Variants in MAP3K1 observed in about 807,000 individuals in gnomAD.
MAP3K1 encodes MAP/ERK kinase kinase 1.
Under a neutral mutation model 144.2 loss-of-function variants are expected in MAP3K1, and 36 were observed. The observed-to-expected ratio is 0.25, with a 90% CI of 0.19 to 0.33. The LOEUF is 0.33. Ranked by LOEUF, MAP3K1 falls within the 10% of genes least tolerant of loss-of-function variation. MAP3K1 has a pLI of 1.00. For synonymous variants in MAP3K1, 718 were observed against 688.7 expected, an observed-to-expected ratio of 1.04 and a Z score of -0.67; for missense variants, 1,650 against 1,881.9, an observed-to-expected ratio of 0.88 and a Z score of 2.28.
At chr5:56,889,733 A>T (rs1748489878) in intron 19 of MAP3K1, among the ~76,000 whole-genome samples, 1 of 152,146 alleles carries the variant, frequency 6.6e-6, no homozygotes, top group African/African-American at 2.4e-5. Flanking sequence ...ATTTTCTCAC[A>T]TGTAAAATTG....
At chr5:56,816,850 C>T (rs1189039440) in intron 1 of MAP3K1, among the ~76,000 whole-genome samples, 6 of 152,258 alleles carry the variant, frequency 3.9e-5, no homozygotes, top group Non-Finnish European at 7.3e-5. Flanking sequence ...TGAGTGACTT[C>T]TGTTTGGAGT....
chr5:56,842,278 A>T (rs1198747705), intron 1 of MAP3K1: 1 of 152,272 alleles, frequency 6.6e-6, no homozygotes, highest in East Asian at 1.9e-4. Flanking sequence ...TTGTTAAAAG[A>T]AGTTATAATA....
intron 19 of MAP3K1, among the ~76,000 whole-genome samples, chr5:56,892,095 C>T (rs769580771): frequency 9.9e-5 from 15 of 152,120 alleles, no homozygotes; most frequent in Admixed American, 3.9e-4. Flanking sequence ...TTGATGGGGA[C>T]GGCATTGAAT....
Position 56,882,383 on chromosome 5 carries a change from G to C in MAP3K1, c.3183G>C (p.Lys1061Asn), listed in dbSNP as rs756800659. 3.0e-5 allele frequency: 49 copies of C among 1,614,124 alleles called. No individual in the cohort carries two copies. Among genetic ancestry groups the C allele is most frequent in the Non-Finnish European group, 4.2e-5 (49 of 1,180,006 alleles). The change falls in exon 14 of 20, where the codon AAG (lysine) becomes AAC (asparagine). Residue 1061 changes from lysine to asparagine, a missense_variant. Transcript: ENST00000399503. The part of the protein sequence containing the change: ...PLPSSNIHRP[K>N]PSRPTPGNTS... Reference sequence around the variant, plus strand: ...CCTCCAGTAACATACACAGGCCAAAGCCATCTAGACCTACCCCAGGTAATA... The same window carrying C: ...CCTCCAGTAACATACACAGGCCAAACCCATCTAGACCTACCCCAGGTAATA...
chr5:56,836,116 T>C (rs185011314), intron 1 of MAP3K1, among the ~76,000 whole-genome samples: 4 of 152,274 alleles, frequency 2.6e-5, no homozygotes, highest in African/African-American at 7.2e-5. Flanking sequence ...ATTTCATGAT[T>C]TCTGCTTGGT....
chr5:56,817,458 GATCC>G (rs1452038494), intron 1 of MAP3K1, among the ~76,000 whole-genome samples: 2 of 152,180 alleles, frequency 1.3e-5, no homozygotes, highest in Non-Finnish European at 2.9e-5. Context: ...TTAAAATCAC[GATCC>G]ATTTAGTATT....
chr5:56,842,866 C>G (rs949655073), intron 1 of MAP3K1, among the ~76,000 whole-genome samples: 6 of 152,268 alleles, frequency 3.9e-5, no homozygotes, highest in African/African-American at 1.4e-4. Flanking sequence ...AGAAGCACTT[C>G]TACCAAGATT....
chr5:56,836,100 G>A (rs1007000299), intron 1 of MAP3K1, among the ~76,000 whole-genome samples: 1 of 152,148 alleles, frequency 6.6e-6, no homozygotes, highest in African/African-American at 2.4e-5. Flanking sequence ...AGTGTGCGCA[G>A]AACCCATTTC....
chr5:56,869,034 G>C (rs1214618712), intron 6 of MAP3K1, among the ~76,000 whole-genome samples: 2 of 151,906 alleles, frequency 1.3e-5, no homozygotes, highest in Non-Finnish European at 2.9e-5. Flanking sequence ...ATGAGCCTAG[G>C]TGGGAGGATA....
chr5:56,868,115 A>C (rs1179647445), intron 6 of MAP3K1, among the ~76,000 whole-genome samples: 1 of 152,156 alleles, frequency 6.6e-6, no homozygotes, highest in African/African-American at 2.4e-5. Context: ...TTTAAACTTT[A>C]AATATTTTGT....
chr5:56,881,878 A>G lies in MAP3K1; in HGVS notation c.2678A>G (p.Tyr893Cys). Residue 893 changes from tyrosine to cysteine, a missense_variant, in exon 14 of 20, where the codon TAT becomes TGT. Coordinates refer to ENST00000399503, the MANE Select transcript of MAP3K1 (RefSeq NM_005921.2). Reference sequence around the variant, plus strand: ...TTGCAGGCATCTGTTCCCAACAACTATCTGGAAACCACAGAGAACAGTTCC... The same window carrying G: ...TTGCAGGCATCTGTTCCCAACAACTGTCTGGAAACCACAGAGAACAGTTCC... ...SFLQASVPNN[Y>C]LETTENSSPE... 1 of 1,614,148 alleles carries G rather than the reference A, an allele frequency of 6.2e-7. No individual in the cohort carries two copies. Among genetic ancestry groups the G allele is most frequent in the Non-Finnish European group, 8.5e-7 (1 of 1,180,018 alleles).
chr5:56,893,917 C>G lies in MAP3K1; in HGVS notation c.*237C>G. 1.8e-6 allele frequency: 1 copy of G among 549,758 alleles called. No individual in the cohort carries two copies. Among genetic ancestry groups the G allele is most frequent in the Non-Finnish European group, 3.3e-6 (1 of 305,612 alleles). 34.1% of individuals were successfully genotyped at this position (549,758 alleles called of 1,614,324 possible). ...AACTGTGCCTTTCAAAGAACTGGCC[C>G]TAGGTGAACAGGAAAACAATGAAGT... On this transcript the variant is annotated 3_prime_UTR_variant, in exon 20 of 20. Coordinates refer to ENST00000399503, the MANE Select transcript of MAP3K1 (RefSeq NM_005921.2).
In MAP3K1 at chr5:56,895,346, T is replaced by G. The variant is rs1288101186; in HGVS notation, c.*1666T>G. 9.1e-6 allele frequency: 2 copies of G among 219,332 alleles called. No individual in the cohort carries two copies. Among genetic ancestry groups the G allele is most frequent in the East Asian group, 1.2e-4 (2 of 16,244 alleles). The allele number at this position is 219,332 out of a possible 1,614,324, so 13.6% of individuals were successfully genotyped here. On this transcript the variant is annotated 3_prime_UTR_variant, in exon 20 of 20. Coordinates refer to ENST00000399503, the MANE Select transcript of MAP3K1 (RefSeq NM_005921.2). The stretch of plus-strand genomic sequence containing the variant: ...TTTGGTATCTCTAAATGTGTTGTAC[T>G]TGACTTTCTTTTTTATTTTGTTTTT...
intron 1 of MAP3K1, among the ~76,000 whole-genome samples, chr5:56,830,347 T>C (rs1245681515): frequency 6.6e-6 from 1 of 152,044 alleles, no homozygotes; most frequent in Non-Finnish European, 1.5e-5. Flanking sequence ...CAAAATGAAA[T>C]TTTTTTTCCC....
intron 14 of MAP3K1, 142 bp downstream of exon 14, chr5:56,883,008 G>A (rs1748273486): frequency 2.9e-6 from 2 of 681,142 alleles, no homozygotes; most frequent in Admixed American, 2.8e-5. Context: ...GGTCAACAAA[G>A]CAAGACCCTG....
At chr5:56,889,732 C>T (rs762328901) in intron 19 of MAP3K1, among the ~76,000 whole-genome samples, 3 of 152,080 alleles carry the variant, frequency 2.0e-5, no homozygotes, top group Non-Finnish European at 4.4e-5. Context: ...CATTTTCTCA[C>T]ATGTAAAATT....
intron 1 of MAP3K1, among the ~76,000 whole-genome samples, chr5:56,832,798 C>G (rs1262817390): frequency 1.3e-5 from 2 of 152,166 alleles, no homozygotes; most frequent in African/African-American, 4.8e-5. Flanking sequence ...GTAGTGATGA[C>G]TTTTTAAATT....
At chr5:56,861,594 G>GGGA (rs1747516277) in intron 3 of MAP3K1, among the ~76,000 whole-genome samples, 1 of 148,530 alleles carries the variant, frequency 6.7e-6, no homozygotes, top group Non-Finnish European at 1.5e-5. Flanking sequence ...AAAAAAAGGG[G>GGGA]CTATTAAAAT....
At chr5:56,889,810 G>A (rs1440676191) in intron 19 of MAP3K1, among the ~76,000 whole-genome samples, 4 of 151,950 alleles carry the variant, frequency 2.6e-5, no homozygotes, top group African/African-American at 9.7e-5. Flanking sequence ...TTATACCTAG[G>A]CCTTAGTCAA....
Sources: allele counts gnomAD v4.1 joint callset (sites outside exome capture counted in the v4.1 genomes callset), GRCh38; gene constraint gnomAD v4.1.1; transcripts MANE v1.5; gene names NCBI Gene and HGNC (gene_info 2026-07-23, HGNC 2026-07-21).